Variants in ANKRD28 observed in about 807,000 individuals in gnomAD.
ANKRD28 encodes serine/threonine-protein phosphatase 6 regulatory ankyrin repeat subunit A.
In ANKRD28, 44 loss-of-function variants were observed where a neutral mutation model predicts 126.5. The observed-to-expected ratio is 0.35, with a 90% CI of 0.27 to 0.45. The LOEUF (loss-of-function observed/expected upper bound fraction) is 0.45, where lower values mean the gene tolerates loss of function less well. ANKRD28 is among the 20% of genes least tolerant of loss of function. The pLI is 1.00. For missense variants in ANKRD28, 1,110 were observed against 1,316.6 expected (o/e 0.84, Z 2.43); for synonymous variants, 442 against 468.5 (o/e 0.94, Z 0.73).
At chr3:15,851,937 C>T (rs1172555715) in intron 1 of ANKRD28, among the ~76,000 whole-genome samples, 1 of 152,132 alleles carries the variant, frequency 6.6e-6, no homozygotes, top group African/African-American at 2.4e-5. Context: ...GAATATTATT[C>T]ACCAATTAAA....
At chr3:15,723,288 A>G (rs184677591) in intron 7 of ANKRD28, among the ~76,000 whole-genome samples, 1 of 152,356 alleles carries the variant, frequency 6.6e-6, no homozygotes, top group Non-Finnish European at 1.5e-5. Context: ...GAGCCTATTT[A>G]GCCCTACAGT....
chr3:15,741,697 C>CTTTTTTTTTTTTTTTTTTT lies in ANKRD28; in HGVS notation c.352-4483_352-4465dup, dbSNP rs58655271. Among the ~76,000 whole-genome samples the CTTTTTTTTTTTTTTTTTTT allele has an allele frequency of 4.2e-4, 14 of 33,660 alleles. 2 individuals carry two copies. Among genetic ancestry groups the CTTTTTTTTTTTTTTTTTTT allele is most frequent in the African/African-American group, 9.9e-4 (11 of 11,128 alleles). 22.1% of individuals were successfully genotyped at this position (33,660 alleles called of 152,430 possible). A position where few individuals can be genotyped will look rare whatever the true frequency, so the allele number is the denominator to read the frequency against. On this transcript the variant is annotated intron_variant, in intron 4 of 27. Coordinates refer to ENST00000683139, the MANE Select transcript of ANKRD28 (RefSeq NM_001349278.2). ...ACCAGTTTTCCCCTTTGGTTCTATC[C>CTTTTTTTTTTTTTTTTTTT]TTTTTTTTTTTTTTTTTTTTTTTTT...
intron 5 of ANKRD28, among the ~76,000 whole-genome samples, chr3:15,735,796 A>G (rs1161957412): frequency 1.3e-5 from 2 of 152,200 alleles, no homozygotes; most frequent in Non-Finnish European, 2.9e-5. Flanking sequence ...AATATTTAAT[A>G]AGAGGTTTTG....
intron 27 of ANKRD28, among the ~76,000 whole-genome samples, chr3:15,671,619 G>A (rs898408036): frequency 8.3e-5 from 12 of 145,116 alleles, no homozygotes; most frequent in African/African-American, 2.7e-4. Context: ...GAGTCTGCTC[G>A]GTCACCCAAG....
rs2061389091 is a variant in ANKRD28, at chr3:15,839,534, A to G, written c.27+19843T>C. 6.6e-6 allele frequency among the ~76,000 whole-genome samples: 1 copy of G among 152,138 alleles called. No homozygotes were observed. On this transcript the variant is annotated intron_variant, in intron 1 of 27. Transcript: ENST00000399451. This position sits in a 1 kb window ranked among gnomAD's most constrained non-coding sequence, Gnocchi z 4.3. ...GAGGGCTACTTGAAGAGTGGGTCAAATTTCCATCTGCAGGGTAAATAATAA... is the reference window on the plus strand; with the variant it reads ...GAGGGCTACTTGAAGAGTGGGTCAAGTTTCCATCTGCAGGGTAAATAATAA...
chr3:15,794,491 G>A (rs1467695507), intron 2 of ANKRD28, among the ~76,000 whole-genome samples: 1 of 152,026 alleles, frequency 6.6e-6, no homozygotes, highest in Non-Finnish European at 1.5e-5. Flanking sequence ...ATTTGTTTCT[G>A]GTAAAAATAT....
intron 1 of ANKRD28, among the ~76,000 whole-genome samples, chr3:15,856,669 ATT>A (rs2061774619): frequency 6.6e-6 from 1 of 152,230 alleles, no homozygotes; most frequent in Non-Finnish European, 1.5e-5. Context: ...TACCCCCATA[ATT>A]AGGTGGTGGC....
intron 4 of ANKRD28, among the ~76,000 whole-genome samples, chr3:15,750,551 C>T (rs747851611): frequency 1.3e-5 from 2 of 152,180 alleles, no homozygotes; most frequent in Non-Finnish European, 2.9e-5. Flanking sequence ...CAACTGCACC[C>T]ACTGTCCCCA....
At chr3:15,803,512 G>C (rs1242710226) in intron 1 of ANKRD28, among the ~76,000 whole-genome samples, 2 of 151,582 alleles carry the variant, frequency 1.3e-5, no homozygotes, top group Non-Finnish European at 2.9e-5. Flanking sequence ...AGCTACTCAA[G>C]AGGCTGAGGC....
chr3:15,776,254 A>G (rs2059261295), intron 2 of ANKRD28, among the ~76,000 whole-genome samples: 1 of 152,242 alleles, frequency 6.6e-6, no homozygotes, highest in Non-Finnish European at 1.5e-5. Context: ...TATCAAGTAA[A>G]GCTGAATATA....
chr3:15,798,640 G>T (rs546499619), upstream of ANKRD28, among the ~76,000 whole-genome samples: 3 of 151,660 alleles, frequency 2.0e-5, no homozygotes, highest in Non-Finnish European at 2.9e-5. Context: ...TGTTAAAGAG[G>T]TACATGAAAA....
chr3:15,744,777 C>T (rs867296927), intron 4 of ANKRD28, among the ~76,000 whole-genome samples: 1 of 152,050 alleles, frequency 6.6e-6, no homozygotes, highest in Non-Finnish European at 1.5e-5. Context: ...GGTGGGATTG[C>T]TGGATCAAAT....
In ANKRD28 at chr3:15,714,667, A is replaced by G. The variant is rs777693211; in HGVS notation, c.997-11T>C. ...TTTCCCATCTTTACTCTGGGGGGGG[A>G]AGAAAAAAATTACTCACTCTACTAT... is the stretch of plus-strand genomic sequence containing the variant. On this transcript the variant is annotated splice_polypyrimidine_tract_variant and intron_variant, in intron 8 of 27. Coordinates refer to ENST00000683139, the MANE Select transcript of ANKRD28 (RefSeq NM_001349278.2). 6 of 1,571,150 alleles carry G rather than the reference A, an allele frequency of 3.8e-6. No homozygotes were observed. Among genetic ancestry groups the G allele is most frequent in the Non-Finnish European group, 4.3e-6 (5 of 1,164,254 alleles).
intron 2 of ANKRD28, among the ~76,000 whole-genome samples, chr3:15,779,732 G>A (rs908759150): frequency 6.6e-6 from 1 of 152,134 alleles, no homozygotes; most frequent in African/African-American, 2.4e-5. Flanking sequence ...CAAATTCCCT[G>A]TAGGTATTTT....
At position 15,816,089 on chromosome 3, in the gene ANKRD28, C is replaced by T. The variant is rs1386645586; in HGVS notation, c.28-20783G>A. Among the ~76,000 whole-genome samples, 5 of 152,144 alleles carry T rather than the reference C, an allele frequency of 3.3e-5. No homozygotes were observed. Among genetic ancestry groups the T allele is most frequent in the South Asian group, 2.1e-4 (1 of 4,828 alleles). Reference sequence around the variant, plus strand: ...AGCGTATTTCTGACTGATTGAAAACCGCCTTCTGTTACTATGGCATTTACC... The same window carrying T: ...AGCGTATTTCTGACTGATTGAAAACTGCCTTCTGTTACTATGGCATTTACC... On this transcript the variant is annotated intron_variant, in intron 1 of 27. Transcript: ENST00000399451. This position sits in a 1 kb window ranked among gnomAD's most constrained non-coding sequence, Gnocchi z 5.0.
At chr3:15,813,990 CTTAGATT>C (rs2060781064) in intron 1 of ANKRD28, among the ~76,000 whole-genome samples, 1 of 152,130 alleles carries the variant, frequency 6.6e-6, no homozygotes, top group South Asian at 2.1e-4. Context: ...AGACAGAGAT[CTTAGATT>C]TATAAGCCCC....
In ANKRD28 at chr3:15,744,046, G is replaced by C. The variant is rs569219409; in HGVS notation, c.352-6813C>G. ...AAAAACCCATCTTTCTGTGGCCATA[G>C]CTATATTTTCTGTTAAATGTAATAA... On this transcript the variant is annotated intron_variant, in intron 4 of 27. Coordinates refer to ENST00000683139, the MANE Select transcript of ANKRD28 (RefSeq NM_001349278.2). Among the ~76,000 whole-genome samples, 26 of 152,294 alleles carry C rather than the reference G, an allele frequency of 1.7e-4. No individual in the cohort carries two copies. In the East Asian group the frequency reaches 5.0e-3, roughly 29 times the overall value.
chr3:15,750,690 G>A (rs1266095657), intron 4 of ANKRD28, among the ~76,000 whole-genome samples: 1 of 152,162 alleles, frequency 6.6e-6, no homozygotes. Context: ...GGTTCAAGAT[G>A]TAGTTCACAA....
intron 4 of ANKRD28, among the ~76,000 whole-genome samples, chr3:15,741,203 A>AC (rs1207945489): frequency 3.6e-5 from 5 of 137,724 alleles, no homozygotes; most frequent in Non-Finnish European, 7.5e-5. Flanking sequence ...CATCTCAAAA[A>AC]AAAAAAACAA....
Sources: gnomAD v4.1 joint callset for allele counts (sites outside exome capture counted in the v4.1 genomes callset) on GRCh38, gnomAD v4.1.1 for gene constraint, Gnocchi (gnomAD v3.1) non-coding constraint, MANE v1.5 for transcripts, NCBI Gene and HGNC (gene_info 2026-07-23, HGNC 2026-07-21) for gene names.